The following MCC variants were observed in gnomAD, a reference collection of about 807,000 sequenced individuals.
MCC encodes MCC regulator of Wnt signaling pathway.
Under a neutral mutation model 116.2 loss-of-function variants are expected in MCC, and 90 were observed. That is an observed-to-expected ratio of 0.77 (90% CI 0.65 to 0.92). MCC has a LOEUF of 0.92. Ranked by LOEUF, MCC falls within the 40% of genes least tolerant of loss-of-function variation. MCC has a pLI of 0.00. For synonymous variants in MCC, 578 were observed against 510.5 expected (o/e 1.13, Z -1.78); for missense variants, 1,516 against 1,312.2 (o/e 1.16, Z -2.40).
intron 3 of MCC, among the ~76,000 whole-genome samples, chr5:113,282,199 T>C (rs1371560919): frequency 6.6e-6 from 1 of 152,190 alleles, no homozygotes; most frequent in Middle Eastern, 3.2e-3. Context: ...CCAGTGAAGT[T>C]AGCAGAGAAG....
intron 3 of MCC, among the ~76,000 whole-genome samples, chr5:113,230,162 G>A (rs1763890556): frequency 6.6e-6 from 1 of 152,208 alleles, no homozygotes; most frequent in Non-Finnish European, 1.5e-5. Flanking sequence ...AATTAGGGCA[G>A]CAGTAAGTTT....
intron 3 of MCC, among the ~76,000 whole-genome samples, chr5:113,222,859 C>A (rs1252309784): frequency 6.6e-6 from 1 of 152,176 alleles, no homozygotes; most frequent in Non-Finnish European, 1.5e-5. Context: ...AAAGAACACA[C>A]AACCCTGGGG....
At chr5:113,433,291 G>C (rs932340124) in intron 1 of MCC, 1 of 221,716 alleles carries the variant, frequency 4.5e-6, no homozygotes, top group Non-Finnish European at 9.2e-6. Context: ...AACCCAGCCT[G>C]GTCCCCTGAC....
At chr5:113,418,793 T>G (rs1770233655) in intron 1 of MCC, among the ~76,000 whole-genome samples, 1 of 152,044 alleles carries the variant, frequency 6.6e-6, no homozygotes, top group African/African-American at 2.4e-5. Context: ...ATTACCACAA[T>G]TAGGGGTAAA....
intron 14 of MCC, among the ~76,000 whole-genome samples, chr5:113,063,331 T>C (rs1753351981): frequency 6.6e-6 from 1 of 152,210 alleles, no homozygotes; most frequent in Non-Finnish European, 1.5e-5. Flanking sequence ...TTCAGCAAAT[T>C]ATGCTCTGCA....
intron 1 of MCC, among the ~76,000 whole-genome samples, chr5:113,471,688 T>TTCAAAGCTGTCAGAGAGGGACA (rs1474903926): frequency 6.6e-6 from 1 of 150,990 alleles, no homozygotes; most frequent in South Asian, 2.1e-4. Context: ...CACTACTCTC[T>TTCAAAGCTGTCAGAGAGGGACA]TCAAAGCTGT....
intron 14 of MCC, among the ~76,000 whole-genome samples, chr5:113,056,824 G>A (rs138864147): frequency 1.3e-5 from 2 of 152,264 alleles, no homozygotes; most frequent in African/African-American, 4.8e-5. Context: ...AAGAAATATT[G>A]GAGTGCCTAC....
chr5:113,294,104 G>A (rs1477256177), intron 3 of MCC, among the ~76,000 whole-genome samples: 1 of 152,098 alleles, frequency 6.6e-6, no homozygotes, highest in African/African-American at 2.4e-5. Context: ...TCTTTTTTAA[G>A]CCACTCATTT....
At chr5:113,459,141 G>A (rs908662298) in intron 1 of MCC, among the ~76,000 whole-genome samples, 104 of 136,568 alleles carry the variant, frequency 7.6e-4, no homozygotes, top group African/African-American at 2.8e-3. Flanking sequence ...ATATGTGTGT[G>A]TGTGTGTGTG....
At chr5:113,337,942 T>C (rs2150377884) in intron 3 of MCC, among the ~76,000 whole-genome samples, 1 of 152,256 alleles carries the variant, frequency 6.6e-6, no homozygotes, top group Admixed American at 6.5e-5. Context: ...TGAAACAAAC[T>C]ACCGCAAACA....
intron 3 of MCC, among the ~76,000 whole-genome samples, chr5:113,154,738 C>T (rs1760077321): frequency 6.6e-6 from 1 of 151,784 alleles, no homozygotes; most frequent in Non-Finnish European, 1.5e-5. Context: ...TTTAGAGGTC[C>T]CTCTAGGCAG....
At chr5:113,199,149 G>A (rs1023740852) in intron 3 of MCC, among the ~76,000 whole-genome samples, 1 of 151,986 alleles carries the variant, frequency 6.6e-6, no homozygotes, top group Non-Finnish European at 1.5e-5. Flanking sequence ...TCCAGCCTAG[G>A]TGACAGAGCG....
At chr5:113,058,025 T>TA (rs1393168479) in intron 14 of MCC, among the ~76,000 whole-genome samples, 2 of 152,216 alleles carry the variant, frequency 1.3e-5, no homozygotes, top group African/African-American at 2.4e-5. Flanking sequence ...GGGGTTTACT[T>TA]ACACCTCTAG....
chr5:113,057,740 T>C (rs1205713435), intron 14 of MCC, among the ~76,000 whole-genome samples: 1 of 152,214 alleles, frequency 6.6e-6, no homozygotes, highest in Non-Finnish European at 1.5e-5. Flanking sequence ...AACCCCCAAG[T>C]AGAGCTCAGG....
chr5:113,261,103 A>G (rs1261267490), intron 3 of MCC, among the ~76,000 whole-genome samples: 2 of 152,208 alleles, frequency 1.3e-5, no homozygotes, highest in Non-Finnish European at 2.9e-5. Flanking sequence ...TCCTAAGTTC[A>G]AAATACTGTA....
intron 16 of MCC, chr5:113,044,547 T>TTTACATTCCATCTCC: frequency 1.2e-6 from 1 of 861,868 alleles, no homozygotes; most frequent in Non-Finnish European, 1.4e-6. Context: ...TTGTGATCTG[T>TTTACATTCCATCTCC]TGCAGGAGAT....
At chr5:113,424,497 T>C (rs1770432477) in intron 1 of MCC, among the ~76,000 whole-genome samples, 1 of 152,084 alleles carries the variant, frequency 6.6e-6, no homozygotes, top group African/African-American at 2.4e-5. Flanking sequence ...GGTGGATCAC[T>C]TGAGGTTAGG....
chr5:113,297,192 A>G (rs184193777), intron 3 of MCC, among the ~76,000 whole-genome samples: 1 of 152,302 alleles, frequency 6.6e-6, no homozygotes, highest in African/African-American at 2.4e-5. Flanking sequence ...GTTCAGCAAG[A>G]GGTTAAAAGG....
At chr5:113,083,531 C>T (rs988321623) in intron 10 of MCC, among the ~76,000 whole-genome samples, 9 of 152,216 alleles carry the variant, frequency 5.9e-5, no homozygotes, top group African/African-American at 2.2e-4. Flanking sequence ...AGCTGGCTCT[C>T]TAAGCCTCAT....
Sources: allele counts gnomAD v4.1 joint callset (sites outside exome capture counted in the v4.1 genomes callset), GRCh38; gene constraint gnomAD v4.1.1; transcripts MANE v1.5; gene names NCBI Gene and HGNC (gene_info 2026-07-23, HGNC 2026-07-21).